The following TRPC3 variants were observed in gnomAD, a reference collection of about 807,000 sequenced individuals.
TRPC3 encodes the protein short transient receptor potential channel 3.
TRPC3 carries 54 observed loss-of-function variants against 90.9 expected under a neutral mutation model. That is an observed-to-expected ratio of 0.59 (90% CI 0.48 to 0.75). The LOEUF (loss-of-function observed/expected upper bound fraction) is 0.75, where lower values mean the gene tolerates loss of function less well. Among genes scored for constraint, TRPC3 ranks in the 30% least tolerant of loss-of-function variants. The pLI is 0.00. For missense variants in TRPC3, 918 were observed against 1,194.5 expected, an observed-to-expected ratio of 0.77 and a Z score of 3.41; for synonymous variants, 424 against 450.9, an observed-to-expected ratio of 0.94 and a Z score of 0.75.
Position 121,932,945 on chromosome 4 carries a change from G to A in TRPC3, c.313C>T (p.Arg105Cys), listed in dbSNP as rs202070483. The A allele has an allele frequency of 2.5e-6, 4 of 1,613,830 alleles. No individual in the cohort carries two copies. Among genetic ancestry groups the A allele is most frequent in the South Asian group, 1.1e-5 (1 of 91,034 alleles). ...TCCTCGGCGGTGAGGCTGGTGCCGC[G>A]GTCATTGAACATGAAGGCCGGGCCC... is the stretch of plus-strand genomic sequence containing the variant. ...VRGPAFMFND[R>C]GTSLTAEEER... is the part of the protein sequence containing the mutation. The change falls in exon 2 of 12, where the codon CGC becomes TGC. Residue 105 changes from arginine (R) to cysteine (C), a missense_variant. Arg to Cys is a radical substitution (Grantham distance 180, BLOSUM62 -3). Around this residue, in one of 4 missense-constraint regions of TRPC3, gnomAD observed 609 missense variants for 725.9 expected, o/e 0.84. Transcript: ENST00000379645. This position sits in a 1 kb window ranked among gnomAD's most constrained non-coding sequence, Gnocchi z 7.7.
chr4:121,937,905 C>A (rs1341616898), intron 1 of TRPC3, among the ~76,000 whole-genome samples: 1 of 151,570 alleles, frequency 6.6e-6, no homozygotes, highest in African/African-American at 2.4e-5. Context: ...TGTTTTAAAC[C>A]TGTTTTAAGT....
chr4:121,916,493 G>T (rs150876962), intron 3 of TRPC3, among the ~76,000 whole-genome samples: 4 of 152,140 alleles, frequency 2.6e-5, no homozygotes, highest in African/African-American at 9.7e-5. Context: ...AATGTGATGG[G>T]TATTAGAAAG....
At position 121,925,168 on chromosome 4, in the gene TRPC3, A is replaced by G. The variant is rs941620452; in HGVS notation, c.1026T>C (p.Phe342=). ...GGCAGAGATCCAGCACACCCACTAC[A>G]AAGTCTTTGCATTGCATGGAGAGCT... ...YRKLSMQCKD[F]VVGVLDLCRD... The change falls in exon 3 of 12, where the codon TTT becomes TTC. Residue 342 remains phenylalanine, a synonymous_variant. Transcript: ENST00000379645. 1.9e-6 allele frequency: 3 copies of G among 1,613,810 alleles called. No homozygotes were observed. In the East Asian group the frequency reaches 6.7e-5, roughly 36 times the overall value.
chr4:121,899,440 T>A (rs1239360680), intron 10 of TRPC3, among the ~76,000 whole-genome samples, 172 bp downstream of exon 10: 1 of 152,054 alleles, frequency 6.6e-6, no homozygotes, highest in Non-Finnish European at 1.5e-5. Flanking sequence ...ATTTTTAATT[T>A]TTTTTTAAAA....
intron 6 of TRPC3, 32 bp from the exon 7 acceptor site, chr4:121,907,599 G>C (rs1438207548): frequency 3.8e-6 from 6 of 1,578,376 alleles, no homozygotes; most frequent in Non-Finnish European, 5.1e-6. Flanking sequence ...ATTAAAAATG[G>C]AGCTTTCTAT....
chr4:121,904,328 T>G lies in TRPC3; in HGVS notation c.2247A>C (p.Glu749Asp). ...GGATAGAAAACCGATTTACCTCAAT[T>G]TCTTGATATGAGCTATTAATCATAG... ...LIAMINSSYQ[E>D]IEDDSDVEWK... The change falls in exon 8 of 12, where the codon GAA (glutamate) becomes GAC (aspartate). Residue 749 changes from glutamate to aspartate, a missense_variant. Coordinates refer to ENST00000379645, the MANE Select transcript of TRPC3 (RefSeq NM_001130698.2). 6.3e-7 allele frequency: 1 copy of G among 1,596,972 alleles called. No homozygotes were observed. The highest frequency in any genetic ancestry group is 8.5e-7 in the Non-Finnish European group (1 of 1,175,712).
At position 121,932,484 on chromosome 4, in the gene TRPC3, C is replaced by T; in HGVS notation, c.774G>A (p.Arg258=). ...AGAAATAGTCGTGCGGCCGCTCGATCCTGGCACCCTTCATCAGCAGCATGT... is the reference window on the plus strand; with the variant it reads ...AGAAATAGTCGTGCGGCCGCTCGATTCTGGCACCCTTCATCAGCAGCATGT... ...VVHMLLMKGA[R]IERPHDYFCK... is the part of the protein sequence containing the mutation. Residue 258 remains arginine, a synonymous_variant, in exon 2 of 12, where the codon AGG becomes AGA. Coordinates refer to ENST00000379645, the MANE Select transcript of TRPC3 (RefSeq NM_001130698.2). This position sits in a 1 kb window ranked among gnomAD's most constrained non-coding sequence, Gnocchi z 7.7. 1.2e-6 allele frequency: 2 copies of T among 1,614,216 alleles called. No homozygotes were observed. Among genetic ancestry groups the T allele is most frequent in the Non-Finnish European group, 1.7e-6 (2 of 1,180,034 alleles).
chr4:121,942,398 C>A (rs1053327209), intron 1 of TRPC3, among the ~76,000 whole-genome samples: 2 of 152,064 alleles, frequency 1.3e-5, no homozygotes, highest in African/African-American at 4.8e-5. Flanking sequence ...CCCATCTCTA[C>A]TAAAAATACA....
chr4:121,930,569 A>T (rs112024225), intron 2 of TRPC3, among the ~76,000 whole-genome samples: 1 of 152,174 alleles, frequency 6.6e-6, no homozygotes, highest in Non-Finnish European at 1.5e-5. Context: ...TGCAAACATC[A>T]CCATCTTTAG....
At chr4:121,949,851 T>A (rs759691689) in intron 1 of TRPC3, among the ~76,000 whole-genome samples, 8 of 152,354 alleles carry the variant, frequency 5.3e-5, no homozygotes, top group Non-Finnish European at 1.0e-4. Context: ...TTTTGTGTAA[T>A]TGACCTCAAA....
chr4:121,940,372 A>G (rs1252862835), intron 1 of TRPC3, among the ~76,000 whole-genome samples: 4 of 152,230 alleles, frequency 2.6e-5, no homozygotes, highest in African/African-American at 9.6e-5. Context: ...TGGGCATTTA[A>G]TGTTTTCTCT....
intron 10 of TRPC3, among the ~76,000 whole-genome samples, chr4:121,897,771 C>A (rs1381629494): frequency 6.6e-6 from 1 of 152,034 alleles, no homozygotes; most frequent in African/African-American, 2.4e-5. Context: ...ACAAATAGAG[C>A]TACCATATGA....
rs1473165652 is a variant in TRPC3 at position 121,878,031 on chromosome 4, T to C, written c.*1705A>G. 1.3e-5 allele frequency among the ~76,000 whole-genome samples: 2 copies of C among 152,196 alleles called. No individual in the cohort carries two copies. The highest frequency in any genetic ancestry group is 1.9e-4 in the East Asian group (1 of 5,196). On this transcript the variant is annotated 3_prime_UTR_variant, in exon 12 of 12. Coordinates refer to ENST00000379645, the MANE Select transcript of TRPC3 (RefSeq NM_001130698.2). ...CCATACTATAAAACTATCAGAAACA[T>C]CTATTATAGAAACTTTGTATCTTTA...
chr4:121,922,718 G>A (rs1054164387), intron 3 of TRPC3, among the ~76,000 whole-genome samples: 15 of 152,160 alleles, frequency 9.9e-5, no homozygotes, highest in Admixed American at 9.2e-4. Flanking sequence ...AAAGAAAAGA[G>A]ATACATATTG....
chr4:121,883,073 T>C (rs529902264), intron 10 of TRPC3, among the ~76,000 whole-genome samples: 4 of 152,250 alleles, frequency 2.6e-5, no homozygotes, highest in South Asian at 4.1e-4. Context: ...TCTTCTAGGA[T>C]AACTGTTTAC....
rs770463866 is a variant in TRPC3, at chr4:121,910,363, T to A, written c.1583A>T (p.Glu528Val). The A allele has an allele frequency of 1.9e-6, 3 of 1,613,552 alleles. No individual in the cohort carries two copies. Among genetic ancestry groups the A allele is most frequent in the Non-Finnish European group, 2.5e-6 (3 of 1,179,640 alleles). The change falls in exon 6 of 12, where the codon GAG (glutamate) becomes GTG (valine). Residue 528 changes from glutamate to valine, a missense_variant. Glu to Val is a moderately radical substitution (Grantham distance 121). Coordinates refer to ENST00000379645, the MANE Select transcript of TRPC3 (RefSeq NM_001130698.2). ...VLGMMWSECK[E>V]LWLEGPREYI... is the part of the protein sequence containing the mutation. ...TTCCCTAGGTCCTTCCAGCCAGAGC[T>A]CTTTACATTCAGACCACATCATTCC...
chr4:121,942,602 C>A (rs532601715), intron 1 of TRPC3, among the ~76,000 whole-genome samples: 3 of 152,258 alleles, frequency 2.0e-5, no homozygotes, highest in African/African-American at 7.2e-5. Context: ...AACTTAAAAA[C>A]AATCTATTAG....
At chr4:121,903,094 T>G in intron 8 of TRPC3, 33 bp from the exon 9 acceptor site, 2 of 1,559,786 alleles carry the variant, frequency 1.3e-6, no homozygotes, top group Non-Finnish European at 1.7e-6. Flanking sequence ...AAAACTAATT[T>G]TAAATGCTAA....
Position 121,951,863 on chromosome 4 carries a change from C to T in TRPC3, c.-183G>A, listed in dbSNP as rs555885028. 7 of 420,610 alleles carry T rather than the reference C, an allele frequency of 1.7e-5. No individual in the cohort carries two copies. Among genetic ancestry groups the T allele is most frequent in the Non-Finnish European group, 4.0e-6 (1 of 249,210 alleles). The allele number at this position is 420,610 out of a possible 1,614,324, so 26.1% of individuals were successfully genotyped here. A position where few individuals can be genotyped will look rare whatever the true frequency, so the allele number is the denominator to read the frequency against. Reference sequence around the variant, plus strand: ...CCGCGATCCAGCAGTTAGAGGCTAGCGCCGAAGCCGAGCTGCCGCCGCCCA... The same window carrying T: ...CCGCGATCCAGCAGTTAGAGGCTAGTGCCGAAGCCGAGCTGCCGCCGCCCA... On this transcript the variant is annotated 5_prime_UTR_variant, in exon 1 of 12. Coordinates refer to ENST00000379645, the MANE Select transcript of TRPC3 (RefSeq NM_001130698.2). This position sits in a 1 kb window ranked among gnomAD's most constrained non-coding sequence, Gnocchi z 4.4.
Sources: allele counts gnomAD v4.1 joint callset (sites outside exome capture counted in the v4.1 genomes callset), GRCh38; gene constraint gnomAD v4.1.1; regional missense constraint gnomAD v4.1.1; non-coding constraint Gnocchi (gnomAD v3.1); transcripts MANE v1.5; gene names NCBI Gene and HGNC (gene_info 2026-07-23, HGNC 2026-07-21).